L3MBTL4: variants seen among roughly 807,000 people sequenced by gnomAD.
L3MBTL4 encodes L3MBTL histone methyl-lysine binding protein 4, also known as lethal(3)malignant brain tumor-like protein 4.
In L3MBTL4, 70 loss-of-function variants were observed where a neutral mutation model predicts 84.5. That is an observed-to-expected ratio of 0.83 (90% CI 0.68 to 1.01). The LOEUF (loss-of-function observed/expected upper bound fraction) is 1.01, where lower values mean the gene tolerates loss of function less well. L3MBTL4 is among the 50% of genes least tolerant of loss of function. L3MBTL4 has a pLI of 0.00. For missense variants in L3MBTL4, 715 were observed against 754.8 expected, an observed-to-expected ratio of 0.95 and a Z score of 0.62; for synonymous variants, 274 against 259.8, an observed-to-expected ratio of 1.05 and a Z score of -0.52.
Position 5,956,204 on chromosome 18 carries a change from A to T in L3MBTL4, c.*16T>A, listed in dbSNP as rs375385252. 8 of 1,606,272 alleles carry T rather than the reference A, an allele frequency of 5.0e-6. No individual in the cohort carries two copies. In the African/African-American group the frequency reaches 1.1e-4, roughly 21 times the overall value. On this transcript the variant is annotated 3_prime_UTR_variant, in exon 19 of 19. Coordinates refer to ENST00000317931, the MANE Select transcript of L3MBTL4 (RefSeq NM_001330559.2). ...GAGCGCAGGTCTTGGTGCCAGAGGA[A>T]GTTCAGGGAGCCCATTCATCCCCTG...
intron 12 of L3MBTL4, among the ~76,000 whole-genome samples, chr18:6,197,087 G>A (rs2045432998): frequency 6.6e-6 from 1 of 152,206 alleles, no homozygotes; most frequent in Non-Finnish European, 1.5e-5. Context: ...AAGCTCTCAG[G>A]CTTCAACTAT....
intron 1 of L3MBTL4, among the ~76,000 whole-genome samples, chr18:6,347,134 A>G (rs2052947189): frequency 6.6e-6 from 1 of 152,194 alleles, no homozygotes; most frequent in South Asian, 2.1e-4. Flanking sequence ...AAATTTGCAG[A>G]AACAGAGGGT....
intron 16 of L3MBTL4, among the ~76,000 whole-genome samples, chr18:5,971,040 C>G (rs570168): frequency 6.6e-6 from 1 of 152,064 alleles, no homozygotes; most frequent in Non-Finnish European, 1.5e-5. Flanking sequence ...CAGCAAATTC[C>G]TCTCTAACTG....
At chr18:6,389,682 C>T (rs1405609359) in intron 1 of L3MBTL4, among the ~76,000 whole-genome samples, 2 of 152,166 alleles carry the variant, frequency 1.3e-5, no homozygotes, top group Middle Eastern at 3.4e-3. Context: ...AACTTTAAAG[C>T]AATAGCAGTT....
chr18:6,008,852 GTC>G (rs2054605734), intron 16 of L3MBTL4, among the ~76,000 whole-genome samples: 1 of 152,210 alleles, frequency 6.6e-6, no homozygotes, highest in Non-Finnish European at 1.5e-5. Flanking sequence ...TGAGGCAACA[GTC>G]TGTGTGTTGT....
chr18:6,400,560 C>T (rs1310353785), intron 1 of L3MBTL4, among the ~76,000 whole-genome samples: 1 of 152,138 alleles, frequency 6.6e-6, no homozygotes, highest in Non-Finnish European at 1.5e-5. Flanking sequence ...CAGGCGCATG[C>T]CACCATGCCT....
intron 17 of L3MBTL4, among the ~76,000 whole-genome samples, chr18:5,960,473 G>A (rs985740146): frequency 3.3e-5 from 5 of 152,198 alleles, no homozygotes; most frequent in African/African-American, 1.2e-4. Context: ...TGGGGTCAGT[G>A]AGGGCGAGGC....
chr18:6,316,163 G>T (rs1344807844), intron 1 of L3MBTL4, among the ~76,000 whole-genome samples: 7 of 151,528 alleles, frequency 4.6e-5, no homozygotes, highest in Admixed American at 4.6e-4. Flanking sequence ...ACCCCCATCG[G>T]AGCTAGTGCC....
intron 13 of L3MBTL4, among the ~76,000 whole-genome samples, chr18:6,155,984 CA>C (rs910790554): frequency 3.3e-5 from 5 of 151,746 alleles, no homozygotes; most frequent in South Asian, 2.1e-4. Flanking sequence ...CCATGAAAGA[CA>C]AAAAAAATGA....
At chr18:6,017,584 G>C (rs922076012) in intron 16 of L3MBTL4, 6 of 152,194 alleles carry the variant, frequency 3.9e-5, no homozygotes, top group African/African-American at 1.4e-4. Flanking sequence ...CTTGACGACT[G>C]CCCGTTAAAT....
intron 14 of L3MBTL4, among the ~76,000 whole-genome samples, 195 bp downstream of exon 14, chr18:6,137,999 A>G (rs2060076895): frequency 6.6e-6 from 1 of 152,150 alleles, no homozygotes; most frequent in Non-Finnish European, 1.5e-5. Flanking sequence ...AATGCCTCAT[A>G]ATTCCAAGAA....
At chr18:6,409,935 T>C (rs2055896067) in intron 1 of L3MBTL4, among the ~76,000 whole-genome samples, 1 of 152,190 alleles carries the variant, frequency 6.6e-6, no homozygotes, top group Admixed American at 6.5e-5. Flanking sequence ...CCAATTCGCC[T>C]ACCCTCTAAC....
chr18:5,984,408 A>G (rs1190818693), intron 16 of L3MBTL4, among the ~76,000 whole-genome samples: 2 of 152,242 alleles, frequency 1.3e-5, no homozygotes, highest in African/African-American at 2.4e-5. Flanking sequence ...TATACCACAG[A>G]AAAATGATTT....
chr18:6,187,518 T>A (rs942101896), intron 12 of L3MBTL4, among the ~76,000 whole-genome samples: 2 of 152,136 alleles, frequency 1.3e-5, no homozygotes, highest in African/African-American at 4.8e-5. Flanking sequence ...ATAAGAAGAT[T>A]TTGCTTAAAA....
chr18:6,012,862 A>G (rs2054799207), intron 16 of L3MBTL4, among the ~76,000 whole-genome samples: 1 of 152,090 alleles, frequency 6.6e-6, no homozygotes, highest in Admixed American at 6.6e-5. Flanking sequence ...TTTTATAAAC[A>G]TGCTGTGCCT....
At chr18:6,354,493 A>G (rs2053345537) in intron 1 of L3MBTL4, among the ~76,000 whole-genome samples, 1 of 152,210 alleles carries the variant, frequency 6.6e-6, no homozygotes, top group East Asian at 1.9e-4. Context: ...TGAAGAGACA[A>G]CCCACAGAAT....
intron 16 of L3MBTL4, among the ~76,000 whole-genome samples, chr18:6,071,736 AGAAG>A (rs1194939761): frequency 1.1e-5 from 1 of 89,948 alleles, no homozygotes; most frequent in Non-Finnish European, 2.4e-5. Context: ...AAGGAAAGAA[AGAAG>A]GAAGGAAAGA....
chr18:6,071,155 C>T (rs141083865), intron 16 of L3MBTL4, among the ~76,000 whole-genome samples: 1 of 152,136 alleles, frequency 6.6e-6, no homozygotes, highest in African/African-American at 2.4e-5. Flanking sequence ...CTTTGGGAGG[C>T]CAAGGTGGGG....
intron 17 of L3MBTL4, among the ~76,000 whole-genome samples, chr18:5,963,520 C>T (rs571888452): frequency 2.6e-5 from 4 of 152,320 alleles, no homozygotes; most frequent in Admixed American, 6.5e-5. Context: ...CCACCCTCCT[C>T]GGCTTCACAC....
Sources: allele counts gnomAD v4.1 joint callset (sites outside exome capture counted in the v4.1 genomes callset), GRCh38; gene constraint gnomAD v4.1.1; transcripts MANE v1.5; gene names NCBI Gene and HGNC (gene_info 2026-07-23, HGNC 2026-07-21).